XRCC4: variants seen among roughly 807,000 people sequenced by gnomAD.
The protein encoded by XRCC4 is DNA repair protein XRCC4.
XRCC4 carries 28 observed loss-of-function variants against 39.1 expected under a neutral mutation model. The ratio of observed to expected loss-of-function variants is 0.72; its 90% CI spans 0.53 to 0.98. XRCC4 has a LOEUF of 0.98. Among genes scored for constraint, XRCC4 ranks in the 50% least tolerant of loss-of-function variants. The pLI, the probability that XRCC4 is intolerant of heterozygous loss-of-function variation, is 0.00. For missense variants in XRCC4, 350 were observed against 376.4 expected, an observed-to-expected ratio of 0.93 and a Z score of 0.58; for synonymous variants, 123 against 126.4, an observed-to-expected ratio of 0.97 and a Z score of 0.18.
At chr5:83,215,576 G>T (rs1026499919) in intron 6 of XRCC4, among the ~76,000 whole-genome samples, 7 of 152,212 alleles carry the variant, frequency 4.6e-5, no homozygotes, top group African/African-American at 1.4e-4. Flanking sequence ...TAACCAAGAT[G>T]ATGTAATATT....
chr5:83,336,939 A>G (rs1372346826), intron 7 of XRCC4, among the ~76,000 whole-genome samples: 2 of 152,216 alleles, frequency 1.3e-5, no homozygotes, highest in East Asian at 3.8e-4. Flanking sequence ...CATAATGGAA[A>G]GTGAGCCAAC....
chr5:83,083,685 C>T (rs926068724), intron 1 of XRCC4, among the ~76,000 whole-genome samples: 2 of 152,156 alleles, frequency 1.3e-5, no homozygotes, highest in African/African-American at 2.4e-5. Context: ...AGGCATGAGC[C>T]ACCGCATTTG....
chr5:83,301,947 T>C (rs931646703), intron 7 of XRCC4, among the ~76,000 whole-genome samples: 1 of 152,172 alleles, frequency 6.6e-6, no homozygotes, highest in African/African-American at 2.4e-5. Flanking sequence ...TCTATTTTGG[T>C]ACCAGTACCA....
At chr5:83,107,594 C>A (rs1000796246) in intron 2 of XRCC4, among the ~76,000 whole-genome samples, 2 of 151,826 alleles carry the variant, frequency 1.3e-5, no homozygotes, top group Admixed American at 6.6e-5. Flanking sequence ...ATCAGTATTA[C>A]AGGCGGTTAT....
intron 7 of XRCC4, among the ~76,000 whole-genome samples, chr5:83,330,889 T>G (rs918546203): frequency 6.6e-6 from 1 of 151,810 alleles, no homozygotes; most frequent in African/African-American, 2.4e-5. Flanking sequence ...TCAGGACATT[T>G]TTTTGACTAA....
intron 3 of XRCC4, among the ~76,000 whole-genome samples, chr5:83,158,945 T>C (rs866951588): frequency 2.8e-4 from 43 of 152,318 alleles, no homozygotes; most frequent in Middle Eastern, 6.8e-3. Context: ...GTGTTTGAAC[T>C]GTGCTACTAT....
intron 7 of XRCC4, among the ~76,000 whole-genome samples, chr5:83,265,960 A>T (rs1016816062): frequency 5.5e-4 from 84 of 151,902 alleles, no homozygotes; most frequent in Non-Finnish European, 9.3e-4. Context: ...GTCTGTTTTT[A>T]AAAAAAATGT....
At chr5:83,352,330 A>G (rs575493570) in intron 7 of XRCC4, among the ~76,000 whole-genome samples, 1 of 152,316 alleles carries the variant, frequency 6.6e-6, no homozygotes, top group South Asian at 2.1e-4. Context: ...AATATTAAGC[A>G]TACTTTATTA....
chr5:83,168,424 C>T (rs143853465), intron 3 of XRCC4, among the ~76,000 whole-genome samples: 22 of 152,084 alleles, frequency 1.4e-4, no homozygotes, highest in East Asian at 9.7e-4. Context: ...TACAAAATCA[C>T]GTTGAAAGTT....
intron 6 of XRCC4, among the ~76,000 whole-genome samples, chr5:83,244,459 A>G (rs989235050): frequency 5.3e-5 from 8 of 152,342 alleles, no homozygotes; most frequent in African/African-American, 1.4e-4. Flanking sequence ...TATATGTGAC[A>G]TCTGGATTTC....
intron 6 of XRCC4, among the ~76,000 whole-genome samples, chr5:83,242,763 A>G (rs913948193): frequency 8.5e-5 from 13 of 152,068 alleles, no homozygotes; most frequent in Admixed American, 2.0e-4. Flanking sequence ...TCCAAAATCA[A>G]TTTCCTTTGT....
chr5:83,292,035 G>T (rs954733826), intron 7 of XRCC4, among the ~76,000 whole-genome samples: 1 of 150,812 alleles, frequency 6.6e-6, no homozygotes, highest in African/African-American at 2.4e-5. Context: ...TCTTATAAAT[G>T]AGATATCAAG....
intron 7 of XRCC4, among the ~76,000 whole-genome samples, chr5:83,334,073 C>CT (rs545876382): frequency 1.7e-4 from 26 of 152,038 alleles, no homozygotes; most frequent in African/African-American, 6.0e-4. Context: ...CAGCCTAAAC[C>CT]TTTTTTTTCT....
At chr5:83,215,148 C>G (rs1223427363) in intron 6 of XRCC4, among the ~76,000 whole-genome samples, 1 of 151,898 alleles carries the variant, frequency 6.6e-6, no homozygotes, top group Non-Finnish European at 1.5e-5. Context: ...CCAACCTGGG[C>G]AATATGGCAA....
chr5:83,301,673 G>A (rs897932093), intron 7 of XRCC4, among the ~76,000 whole-genome samples: 2 of 152,146 alleles, frequency 1.3e-5, no homozygotes, highest in African/African-American at 4.8e-5. Context: ...GAATGGTATT[G>A]CCTAGGTTTT....
intron 1 of XRCC4, among the ~76,000 whole-genome samples, chr5:83,084,301 A>G (rs1745087371): frequency 6.6e-6 from 1 of 152,176 alleles, no homozygotes; most frequent in Admixed American, 6.5e-5. Flanking sequence ...GCCCTGGACA[A>G]TTTGCTCCTT....
intron 3 of XRCC4, among the ~76,000 whole-genome samples, chr5:83,140,216 C>T (rs2112515206): frequency 6.6e-6 from 1 of 152,284 alleles, no homozygotes; most frequent in Middle Eastern, 3.4e-3. Context: ...GCTGAGGATA[C>T]AGGAAGCCAG....
At chr5:83,229,047 CG>C (rs1752396063) in intron 6 of XRCC4, among the ~76,000 whole-genome samples, 1 of 151,526 alleles carries the variant, frequency 6.6e-6, no homozygotes, top group Non-Finnish European at 1.5e-5. Context: ...TTGTTGAATG[CG>C]GGTTAGCATC....
intron 6 of XRCC4, among the ~76,000 whole-genome samples, chr5:83,217,358 C>A (rs1248497326): frequency 8.3e-3 from 797 of 95,656 alleles, no homozygotes; most frequent in South Asian, 0.011. Context: ...GACTCCGTCT[C>A]AAAAAAAAAA....
Sources: allele counts gnomAD v4.1 joint callset (sites outside exome capture counted in the v4.1 genomes callset), GRCh38; gene constraint gnomAD v4.1.1; transcripts MANE v1.5; gene names NCBI Gene and HGNC (gene_info 2026-07-23, HGNC 2026-07-21).